The following ZFHX3 variants were observed in gnomAD, a reference collection of about 807,000 sequenced individuals.
The protein encoded by ZFHX3 is zinc finger homeobox 3.
ZFHX3 carries 42 observed loss-of-function variants against 279.1 expected under a neutral mutation model. The ratio of observed to expected loss-of-function variants is 0.15; its 90% CI spans 0.12 to 0.19. The LOEUF (loss-of-function observed/expected upper bound fraction) is 0.19, where lower values mean the gene tolerates loss of function less well. Ranked by LOEUF, ZFHX3 falls within the 10% of genes least tolerant of loss-of-function variation. ZFHX3 has a pLI of 1.00. For missense variants in ZFHX3, 4,981 were observed against 4,754.0 expected (o/e 1.05, Z -1.40); for synonymous variants, 2,293 against 1,957.8 (o/e 1.17, Z -4.52).
At chr16:73,238,622 C>T (rs929948456) in intron 5 of ZFHX3, among the ~76,000 whole-genome samples, 6 of 152,110 alleles carry the variant, frequency 3.9e-5, no homozygotes, top group African/African-American at 7.2e-5. Context: ...TCTAATTGAC[C>T]TACAGAAAGT....
intron 2 of ZFHX3, among the ~76,000 whole-genome samples, chr16:73,673,618 C>G (rs1273805649): frequency 6.6e-6 from 1 of 151,988 alleles, no homozygotes; most frequent in Non-Finnish European, 1.5e-5. Flanking sequence ...AAAAATATAT[C>G]TACTGAGTTA....
intron 3 of ZFHX3, among the ~76,000 whole-genome samples, chr16:73,395,585 T>A (rs533422880): frequency 1.6e-4 from 24 of 152,046 alleles, no homozygotes; most frequent in Non-Finnish European, 2.9e-4. Context: ...GTCCACAGCA[T>A]CTAGAGTTGT....
intron 2 of ZFHX3, among the ~76,000 whole-genome samples, chr16:73,498,723 G>A (rs1269241400): frequency 6.6e-6 from 1 of 152,176 alleles, no homozygotes; most frequent in Non-Finnish European, 1.5e-5. Context: ...TTGAATTACG[G>A]TGCAGACAAA....
At chr16:73,059,521 CCTTTCTCTCTCTCT>C (rs993050659) in exon 1 of ZFHX3, 4 of 63,976 alleles carry the variant, frequency 6.3e-5, no homozygotes, top group African/African-American at 2.2e-4. Flanking sequence ...ATTATTTTCC[CCTTTCTCTCTCTCT>C]CTCTCTCTCT....
chr16:73,411,404 G>A lies in ZFHX3; in HGVS notation c.-1291+44599C>T, dbSNP rs181872868. Among the ~76,000 whole-genome samples the A allele has an allele frequency of 7.9e-5, 12 of 152,236 alleles. No individual in the cohort carries two copies. The East Asian group carries it at 2.3e-3, about 29-fold the overall frequency. ...AGTATGATTTTTCAAGAGTGTTGTT[G>A]AACAAAAATCTTTATCTGTGGGAAT... On this transcript the variant is annotated intron_variant, in intron 3 of 17. Coordinates refer to the ZFHX3 transcript ENST00000641206.
At chr16:73,677,219 G>A (rs1026271256) in intron 2 of ZFHX3, among the ~76,000 whole-genome samples, 1 of 59,486 alleles carries the variant, frequency 1.7e-5, no homozygotes, top group Non-Finnish European at 3.1e-5. Flanking sequence ...AAATAAAACT[G>A]TAAATTAATA....
At chr16:72,789,134 TGAGGACTCAGTC>T in intron 9 of ZFHX3, 1 of 336,602 alleles carries the variant, frequency 3.0e-6, no homozygotes, top group East Asian at 4.9e-5. Context: ...TGTATTCTAA[TGAGGACTCAGTC>T]CTAGGTCAGC....
intron 5 of ZFHX3, among the ~76,000 whole-genome samples, chr16:73,171,365 C>CACT (rs1967518371): frequency 6.6e-6 from 1 of 152,108 alleles, no homozygotes; most frequent in South Asian, 2.1e-4. Context: ...CAAATGCATC[C>CACT]ACTGGGCTGA....
At position 73,664,474 on chromosome 16, in the gene ZFHX3, G is replaced by C. The variant is rs781623447; in HGVS notation, c.-1547+15706C>G. On this transcript the variant is annotated intron_variant, in intron 2 of 17. Transcript: ENST00000641206. The stretch of plus-strand genomic sequence containing the variant: ...CATATTTATATTCTTTCAGAAACTT[G>C]CTTTTTATAATGCTAGTCCCTGATT... Among the ~76,000 whole-genome samples the C allele has an allele frequency of 9.2e-5, 14 of 152,168 alleles. No homozygotes were observed. The South Asian group carries it at 1.0e-3, about 11-fold the overall frequency.
chr16:73,204,493 T>A (rs907021575), intron 5 of ZFHX3, among the ~76,000 whole-genome samples: 3 of 152,152 alleles, frequency 2.0e-5, no homozygotes, highest in Admixed American at 1.3e-4. Flanking sequence ...CCTGTGAGAA[T>A]CTAATGTCAC....
intron 5 of ZFHX3, among the ~76,000 whole-genome samples, chr16:73,218,693 C>T (rs953651973): frequency 4.6e-5 from 7 of 152,124 alleles, no homozygotes; most frequent in East Asian, 1.9e-4. Flanking sequence ...TGCTTGAACC[C>T]GGGAGGTGGA....
intron 3 of ZFHX3, among the ~76,000 whole-genome samples, chr16:73,322,296 C>T (rs2015590881): frequency 1.3e-5 from 2 of 150,582 alleles, no homozygotes; most frequent in South Asian, 2.1e-4. Flanking sequence ...TTTTTTGCAG[C>T]TTATGATATA....
intron 5 of ZFHX3, among the ~76,000 whole-genome samples, chr16:73,254,754 A>G (rs1322479174): frequency 6.6e-6 from 1 of 152,234 alleles, no homozygotes; most frequent in Non-Finnish European, 1.5e-5. Context: ...GCAAAAAGTC[A>G]CTTAAGTAAT....
intron 1 of ZFHX3, among the ~76,000 whole-genome samples, chr16:73,709,969 G>C (rs886334258): frequency 6.6e-6 from 1 of 152,172 alleles, no homozygotes; most frequent in Non-Finnish European, 1.5e-5. Context: ...ATCACCTGAG[G>C]TCAGGAATTC....
intron 2 of ZFHX3, among the ~76,000 whole-genome samples, chr16:73,630,784 A>G (rs2052461212): frequency 6.6e-6 from 1 of 152,212 alleles, no homozygotes; most frequent in Admixed American, 6.5e-5. Context: ...CTCAACTTGT[A>G]ATTTCCTGGT....
intron 1 of ZFHX3, among the ~76,000 whole-genome samples, chr16:73,820,597 C>T (rs575296350): frequency 1.3e-5 from 2 of 152,174 alleles, no homozygotes; most frequent in Non-Finnish European, 2.9e-5. Context: ...ACACATGAGT[C>T]CAGCTCCAGC....
chr16:73,523,300 C>A (rs1252976702), intron 2 of ZFHX3, among the ~76,000 whole-genome samples: 1 of 152,242 alleles, frequency 6.6e-6, no homozygotes, highest in Non-Finnish European at 1.5e-5. Flanking sequence ...AATGAGATCT[C>A]TTCCCACTCC....
intron 4 of ZFHX3, among the ~76,000 whole-genome samples, chr16:72,878,368 G>C (rs1437527239): frequency 1.3e-5 from 2 of 152,178 alleles, no homozygotes; most frequent in African/African-American, 4.8e-5. Context: ...CCGGTGACAG[G>C]CTAGAAGCCA....
At chr16:73,247,186 G>A (rs990509775) in intron 5 of ZFHX3, among the ~76,000 whole-genome samples, 1 of 151,146 alleles carries the variant, frequency 6.6e-6, no homozygotes, top group African/African-American at 2.4e-5. Context: ...CCTGTATGTG[G>A]AATACATGTG....
Sources: allele counts gnomAD v4.1 joint callset (sites outside exome capture counted in the v4.1 genomes callset), GRCh38; gene constraint gnomAD v4.1.1; transcripts MANE v1.5; gene names NCBI Gene and HGNC (gene_info 2026-07-23, HGNC 2026-07-21).